Variants in RFX3 observed in about 807,000 individuals in gnomAD.
The protein encoded by RFX3 is transcription factor RFX3.
Under a neutral mutation model 98.6 loss-of-function variants are expected in RFX3, and 14 were observed. The ratio of observed to expected loss-of-function variants is 0.14; its 90% CI spans 0.09 to 0.22. The LOEUF is 0.22. Among genes scored for constraint, RFX3 ranks in the 10% least tolerant of loss-of-function variants. The pLI is 1.00. For synonymous variants in RFX3, 383 were observed against 328.4 expected, an observed-to-expected ratio of 1.17 and a Z score of -1.80; for missense variants, 639 against 926.9, an observed-to-expected ratio of 0.69 and a Z score of 4.03.
At chr9:3,292,444 A>G (rs573255267) in intron 6 of RFX3, among the ~76,000 whole-genome samples, 1 of 152,340 alleles carries the variant, frequency 6.6e-6, no homozygotes, top group Non-Finnish European at 1.5e-5. Flanking sequence ...TTTTCCTTCC[A>G]CATACACATG....
intron 11 of RFX3, among the ~76,000 whole-genome samples, chr9:3,268,635 G>C (rs1242886640): frequency 6.6e-6 from 1 of 151,866 alleles, no homozygotes; most frequent in Admixed American, 6.6e-5. Context: ...GCTTAATGTA[G>C]AGACAAGCTA....
At position 3,292,247 on chromosome 9, in the gene RFX3, A is replaced by C. The variant is rs1393884265; in HGVS notation, c.731+830T>G. ...TAAAAACATCCATATCCTTCTGTCC[A>C]GCTACTTAAAATATTTATCTTATGA... On this transcript the variant is annotated intron_variant, in intron 6 of 16. Coordinates refer to ENST00000617270, the MANE Select transcript of RFX3 (RefSeq NM_001282116.2). 2.0e-5 allele frequency among the ~76,000 whole-genome samples: 3 copies of C among 152,018 alleles called. No individual in the cohort carries two copies. The East Asian group carries it at 5.8e-4, about 29-fold the overall frequency.
chr9:3,356,197 G>T (rs1484405766), intron 2 of RFX3, among the ~76,000 whole-genome samples: 2 of 144,768 alleles, frequency 1.4e-5, no homozygotes, highest in African/African-American at 2.6e-5. Context: ...AGGAAGGAAG[G>T]AAAGAAGGAA....
At chr9:3,509,674 G>A (rs1279173477) in intron 1 of RFX3, among the ~76,000 whole-genome samples, 3 of 151,746 alleles carry the variant, frequency 2.0e-5, no homozygotes, top group Non-Finnish European at 4.4e-5. Context: ...GAACATTAAG[G>A]TATTTATGCA....
chr9:3,295,213 GTTTTT>G (rs371119901), intron 5 of RFX3, among the ~76,000 whole-genome samples: 3 of 148,326 alleles, frequency 2.0e-5, no homozygotes, highest in Non-Finnish European at 3.0e-5. Context: ...TCTCTTTAGT[GTTTTT>G]TTTTTAAGAC....
chr9:3,381,643 T>C (rs942977747), intron 2 of RFX3, among the ~76,000 whole-genome samples: 1 of 152,108 alleles, frequency 6.6e-6, no homozygotes, highest in Non-Finnish European at 1.5e-5. Flanking sequence ...ATTCATCATA[T>C]TTTCTTATAT....
intron 2 of RFX3, among the ~76,000 whole-genome samples, chr9:3,366,168 A>T (rs1397637242): frequency 1.3e-5 from 2 of 152,132 alleles, no homozygotes; most frequent in Non-Finnish European, 2.9e-5. Flanking sequence ...CTCATAGCTC[A>T]CTATTGAGAA....
chr9:3,403,742 G>A (rs573127562), intron 1 of RFX3, among the ~76,000 whole-genome samples: 2 of 152,110 alleles, frequency 1.3e-5, no homozygotes, highest in Non-Finnish European at 2.9e-5. Context: ...AAGACATACA[G>A]GACAGGAGCA....
At chr9:3,506,403 T>C (rs868714629) in intron 1 of RFX3, among the ~76,000 whole-genome samples, 15 of 151,788 alleles carry the variant, frequency 9.9e-5, no homozygotes, top group Middle Eastern at 6.3e-3. Flanking sequence ...CCTGATCCTC[T>C]ACTTTTGACA....
rs1826412617 is a variant in RFX3 at position 3,285,147 on chromosome 9, C to T, written c.851+2984G>A. ...ATCACTGCATAGACTTGCATTTCTT[C>T]ACTATAAGAACATATAAAACAAATT... On this transcript the variant is annotated intron_variant, in intron 7 of 16. Coordinates refer to ENST00000617270, the MANE Select transcript of RFX3 (RefSeq NM_001282116.2). Among the ~76,000 whole-genome samples the T allele has an allele frequency of 4.0e-5, 6 of 151,748 alleles. No individual in the cohort carries two copies. In the Admixed American group the frequency reaches 4.0e-4, roughly 10 times the overall value.
intron 4 of RFX3, among the ~76,000 whole-genome samples, chr9:3,329,517 A>G (rs887491401): frequency 6.6e-6 from 1 of 151,884 alleles, no homozygotes; most frequent in African/African-American, 2.4e-5. Context: ...CTGTTTGCTC[A>G]TATCTATGAT....
intron 2 of RFX3, among the ~76,000 whole-genome samples, chr9:3,367,980 G>C (rs1424215429): frequency 1.3e-5 from 2 of 152,128 alleles, no homozygotes; most frequent in Non-Finnish European, 2.9e-5. Flanking sequence ...GATAACCAGA[G>C]CTATTTCAGT....
intron 2 of RFX3, among the ~76,000 whole-genome samples, chr9:3,351,706 A>C (rs550060511): frequency 2.1e-4 from 32 of 152,128 alleles, no homozygotes; most frequent in Non-Finnish European, 2.9e-5. Context: ...GTAAATGTTA[A>C]AAGCTCAACA....
At chr9:3,440,930 A>C (rs554263037) in intron 1 of RFX3, among the ~76,000 whole-genome samples, 7 of 152,330 alleles carry the variant, frequency 4.6e-5, no homozygotes, top group Middle Eastern at 3.4e-3. Flanking sequence ...AAACTGACCC[A>C]TATATAAATG....
intron 11 of RFX3, among the ~76,000 whole-genome samples, chr9:3,267,566 G>A (rs1364929019): frequency 1.3e-5 from 2 of 151,824 alleles, no homozygotes; most frequent in African/African-American, 4.8e-5. Context: ...GTTCAAAACT[G>A]GAGAGACGAG....
chr9:3,306,531 G>C (rs963613588), intron 4 of RFX3, among the ~76,000 whole-genome samples: 1 of 148,568 alleles, frequency 6.7e-6, no homozygotes, highest in Non-Finnish European at 1.5e-5. Context: ...GCATGGGTAA[G>C]GCAGTTCTTT....
intron 15 of RFX3, among the ~76,000 whole-genome samples, chr9:3,236,854 G>A (rs1819222409): frequency 6.6e-6 from 1 of 152,220 alleles, no homozygotes; most frequent in Non-Finnish European, 1.5e-5. Flanking sequence ...ATAAACAAAT[G>A]TAGGGGAGAA....
Position 3,301,530 on chromosome 9 carries a change from A to T in RFX3, c.549+16T>A. On this transcript the variant is annotated intron_variant, in intron 5 of 16. Transcript: ENST00000617270. The stretch of plus-strand genomic sequence containing the variant: ...ACAAGCAAGAGATTAGTGTACATGA[A>T]GAAGAGGCAACTTACATGGCTGTTG... The T allele has an allele frequency of 3.2e-6, 5 of 1,577,372 alleles. No individual in the cohort carries two copies. Among genetic ancestry groups the T allele is most frequent in the Non-Finnish European group, 3.5e-6 (4 of 1,150,324 alleles).
chr9:3,257,244 T>A, intron 13 of RFX3, 45 bp from the exon 14 acceptor site: 1 of 1,550,914 alleles, frequency 6.4e-7, no homozygotes, highest in Non-Finnish European at 8.9e-7. Context: ...CAATTCAGCA[T>A]CCTTTCATTG....
Sources: allele counts gnomAD v4.1 joint callset (sites outside exome capture counted in the v4.1 genomes callset), GRCh38; gene constraint gnomAD v4.1.1; transcripts MANE v1.5; gene names NCBI Gene and HGNC (gene_info 2026-07-23, HGNC 2026-07-21).